Variants in USP8 observed in about 807,000 individuals in gnomAD.
The protein encoded by USP8 is ubiquitin carboxyl-terminal hydrolase 8.
USP8 carries 27 observed loss-of-function variants against 130.0 expected under a neutral mutation model. That is an observed-to-expected ratio of 0.21 (90% CI 0.15 to 0.29). The LOEUF (loss-of-function observed/expected upper bound fraction) is 0.29. Ranked by LOEUF, USP8 falls within the 10% of genes least tolerant of loss-of-function variation. The probability of loss-of-function intolerance (pLI) is 1.00; values close to 1 mark genes in which losing one functional copy is unlikely to be tolerated. For missense variants in USP8, 1,029 were observed against 1,312.2 expected (o/e 0.78, Z 3.33); for synonymous variants, 392 against 444.1 (o/e 0.88, Z 1.48).
At chr15:50,429,633 T>C (rs2049865695) in intron 1 of USP8, among the ~76,000 whole-genome samples, 2 of 152,262 alleles carry the variant, frequency 1.3e-5, no homozygotes, top group South Asian at 4.1e-4. Flanking sequence ...CCCAAGAGTT[T>C]GAGACTATCC....
chr15:50,427,941 T>C (rs1567591257), intron 1 of USP8, among the ~76,000 whole-genome samples: 1 of 150,980 alleles, frequency 6.6e-6, no homozygotes, highest in Non-Finnish European at 1.5e-5. Context: ...CACTGTAACC[T>C]CTGCTTCCTG....
chr15:50,473,392 C>T (rs1382111956), intron 8 of USP8, among the ~76,000 whole-genome samples: 1 of 152,100 alleles, frequency 6.6e-6, no homozygotes, highest in Non-Finnish European at 1.5e-5. Flanking sequence ...AGTTGTTATA[C>T]CATATTGTTT....
chr15:50,493,933 A>G, intron 15 of USP8, 137 bp from the exon 16 acceptor site: 2 of 1,024,294 alleles, frequency 2.0e-6, no homozygotes, highest in Non-Finnish European at 3.0e-6. Context: ...TCTGGTGGTG[A>G]GCCTGCAAAT....
chr15:50,468,663 A>G (rs1270997515), intron 7 of USP8, among the ~76,000 whole-genome samples: 2 of 152,284 alleles, frequency 1.3e-5, no homozygotes, highest in East Asian at 3.9e-4. Flanking sequence ...TATTAAGCTC[A>G]GTACCCAATA....
intron 3 of USP8, among the ~76,000 whole-genome samples, chr15:50,448,904 A>G (rs2050524922): frequency 6.6e-6 from 1 of 152,152 alleles, no homozygotes. Context: ...TGTTTTATGT[A>G]TCAAAAGTGT....
chr15:50,472,636 C>T (rs1402774902), intron 8 of USP8, among the ~76,000 whole-genome samples: 1 of 150,438 alleles, frequency 6.6e-6, no homozygotes, highest in Non-Finnish European at 1.5e-5. Context: ...CAGGGCCAGG[C>T]GTGGTGGCCC....
Position 50,514,340 on chromosome 15 carries a change from A to G in USP8, c.*15252A>G, listed in dbSNP as rs947400007. On this transcript the variant is annotated 3_prime_UTR_variant, in exon 20 of 20. Transcript: ENST00000307179. ...CTGGTTACATGGGTATGTTCACTTG[A>G]AAATCCATCAAGTTTTATCCTCATG... 5 of 152,192 alleles carry G rather than the reference A, an allele frequency of 3.3e-5. No individual in the cohort carries two copies. The highest frequency in any genetic ancestry group is 1.2e-4 in the African/African-American group (5 of 41,450). 9.4% of individuals were successfully genotyped at this position (152,192 alleles called of 1,614,324 possible).
At chr15:50,496,960 G>C in intron 17 of USP8, 129 bp from the exon 18 acceptor site, 1 of 1,200,268 alleles carries the variant, frequency 8.3e-7, no homozygotes, top group Admixed American at 2.5e-5. Flanking sequence ...CTTTGGGAAG[G>C]CAGGAACTCT....
chr15:50,456,981 A>G (rs921522191), intron 4 of USP8, among the ~76,000 whole-genome samples: 2 of 152,246 alleles, frequency 1.3e-5, no homozygotes, highest in African/African-American at 4.8e-5. Context: ...GAGGAATAGC[A>G]CAGCTTTGTG....
chr15:50,445,610 G>A (rs2050408326), intron 3 of USP8, among the ~76,000 whole-genome samples: 1 of 139,844 alleles, frequency 7.2e-6, no homozygotes, highest in Non-Finnish European at 1.5e-5. Context: ...CCAGCACTTT[G>A]GGAGGCAGAG....
At chr15:50,470,641 C>T (rs1400318112) in intron 7 of USP8, among the ~76,000 whole-genome samples, 3 of 141,134 alleles carry the variant, frequency 2.1e-5, no homozygotes, top group Non-Finnish European at 3.0e-5. Context: ...CTTGCTTTGT[C>T]GCCCAGGCTG....
intron 7 of USP8, among the ~76,000 whole-genome samples, chr15:50,468,193 C>A (rs1290089167): frequency 6.6e-6 from 1 of 150,440 alleles, no homozygotes; most frequent in East Asian, 2.0e-4. Flanking sequence ...GCCTTGGCCT[C>A]CCAAAGTGCT....
At chr15:50,430,547 G>T (rs897193445) in intron 1 of USP8, among the ~76,000 whole-genome samples, 5 of 152,030 alleles carry the variant, frequency 3.3e-5, no homozygotes, top group African/African-American at 1.2e-4. Flanking sequence ...ACAGGCGCAT[G>T]CCACCATGCC....
At chr15:50,493,055 C>CTTAG in intron 15 of USP8, 142 bp downstream of exon 15, 1 of 915,450 alleles carries the variant, frequency 1.1e-6, no homozygotes, top group Non-Finnish European at 1.7e-6. Flanking sequence ...TTTATTTTCT[C>CTTAG]TTAGTTCTTG....
chr15:50,482,962 AAGAT>A (rs2051828844), intron 11 of USP8, among the ~76,000 whole-genome samples: 2 of 152,216 alleles, frequency 1.3e-5, no homozygotes, highest in African/African-American at 4.8e-5. Flanking sequence ...GCTATTAAAA[AAGAT>A]AGCTTCCATC....
intron 11 of USP8, 41 bp from the exon 12 acceptor site, chr15:50,484,234 T>TA: frequency 6.6e-7 from 1 of 1,514,252 alleles, no homozygotes; most frequent in Non-Finnish European, 9.1e-7. Flanking sequence ...GGAGGAGAAT[T>TA]AAAGTTTTCT....
chr15:50,461,066 C>T lies in USP8; in HGVS notation c.499-1214C>T, dbSNP rs151267564. ...GGAGTGCAGTGGCGCGATCTCAGCT[C>T]ACTGCAACCTCCACCTCCCAGGTTG... is the stretch of plus-strand genomic sequence containing the variant. On this transcript the variant is annotated intron_variant, in intron 5 of 19. Coordinates refer to ENST00000307179, the MANE Select transcript of USP8 (RefSeq NM_005154.5). Among the ~76,000 whole-genome samples the T allele has an allele frequency of 5.4e-3, 828 of 151,998 alleles. 6 individuals are homozygous for T. The highest frequency in any genetic ancestry group is 0.019 in the African/African-American group (796 of 41,464).
chr15:50,481,261 A>G (rs1317896328), intron 10 of USP8, among the ~76,000 whole-genome samples: 1 of 152,202 alleles, frequency 6.6e-6, no homozygotes, highest in Non-Finnish European at 1.5e-5. Flanking sequence ...AAGAATTGAA[A>G]GTGTTGAATC....
In USP8 at chr15:50,498,742, T is replaced by G. The variant is rs780737503; in HGVS notation, c.3171+14T>G. On this transcript the variant is annotated intron_variant, in intron 19 of 19. Coordinates refer to ENST00000307179, the MANE Select transcript of USP8 (RefSeq NM_005154.5). ...TTTTCTGTTTCAGTAAGTATCTCTT[T>G]GAACTGAAGACTTTTTGTTTCAAAG... 1.3e-6 allele frequency: 2 copies of G among 1,584,838 alleles called. No homozygotes were observed. Among genetic ancestry groups the G allele is most frequent in the Non-Finnish European group, 1.7e-6 (2 of 1,165,206 alleles).
Sources: allele counts gnomAD v4.1 joint callset (sites outside exome capture counted in the v4.1 genomes callset), GRCh38; gene constraint gnomAD v4.1.1; transcripts MANE v1.5; gene names NCBI Gene and HGNC (gene_info 2026-07-23, HGNC 2026-07-21).